GPC5: variants seen among roughly 807,000 people sequenced by gnomAD.
GPC5 encodes glypican-5.
GPC5 carries 47 observed loss-of-function variants against 53.9 expected under a neutral mutation model. The ratio of observed to expected loss-of-function variants is 0.87; its 90% CI spans 0.69 to 1.11. GPC5 has a LOEUF of 1.11. Among genes scored for constraint, GPC5 ranks in the 50% most tolerant of loss-of-function variants. GPC5 has a pLI of 0.00. For synonymous variants in GPC5, 286 were observed against 263.3 expected (o/e 1.09, Z -0.84); for missense variants, 748 against 713.1 (o/e 1.05, Z -0.56).
At chr13:92,633,119 G>A (rs1248835488) in intron 7 of GPC5, among the ~76,000 whole-genome samples, 1 of 152,124 alleles carries the variant, frequency 6.6e-6, no homozygotes, top group Admixed American at 6.5e-5. Context: ...ATGAACTCCT[G>A]ACCTCTCAGG....
chr13:92,164,120 T>C (rs573319798), intron 7 of GPC5, among the ~76,000 whole-genome samples: 15 of 152,270 alleles, frequency 9.9e-5, no homozygotes, highest in African/African-American at 3.6e-4. Flanking sequence ...CAAGATGAAA[T>C]TTGGGTAGGG....
At chr13:91,479,916 T>C (rs181863077) in intron 2 of GPC5, among the ~76,000 whole-genome samples, 1 of 152,310 alleles carries the variant, frequency 6.6e-6, no homozygotes, top group Admixed American at 6.5e-5. Flanking sequence ...AAAAACTTGC[T>C]AAAATTATTT....
intron 7 of GPC5, among the ~76,000 whole-genome samples, chr13:92,529,623 G>T (rs951045653): frequency 2.0e-5 from 3 of 152,064 alleles, no homozygotes; most frequent in Non-Finnish European, 4.4e-5. Context: ...CCAACCTCCA[G>T]AATTCTGATC....
chr13:92,642,923 G>C (rs1439091591), intron 7 of GPC5, among the ~76,000 whole-genome samples: 2 of 152,168 alleles, frequency 1.3e-5, no homozygotes, highest in Non-Finnish European at 2.9e-5. Flanking sequence ...CACAACTTTA[G>C]GTATTTGCAG....
intron 7 of GPC5, among the ~76,000 whole-genome samples, chr13:92,513,407 C>T (rs190733040): frequency 2.1e-4 from 32 of 151,440 alleles, no homozygotes; most frequent in South Asian, 8.4e-4. Flanking sequence ...GGTTGTGGAA[C>T]TAAATAAACT....
intron 2 of GPC5, among the ~76,000 whole-genome samples, chr13:91,669,983 G>A (rs1055884658): frequency 3.3e-5 from 5 of 152,148 alleles, no homozygotes; most frequent in African/African-American, 9.7e-5. Context: ...CATCGCACAT[G>A]TCAATTGTAT....
At chr13:92,844,178 A>C (rs1481854734) in intron 7 of GPC5, among the ~76,000 whole-genome samples, 2 of 152,082 alleles carry the variant, frequency 1.3e-5, no homozygotes, top group Non-Finnish European at 2.9e-5. Context: ...CGTTGTTTTT[A>C]ACAGAGACTC....
intron 7 of GPC5, among the ~76,000 whole-genome samples, chr13:92,517,246 C>G (rs1880828712): frequency 6.6e-6 from 1 of 152,220 alleles, no homozygotes; most frequent in African/African-American, 2.4e-5. Flanking sequence ...GACTCCACCT[C>G]TGGGGACAGG....
chr13:92,597,387 T>G (rs1272776507), intron 7 of GPC5, among the ~76,000 whole-genome samples: 1 of 152,170 alleles, frequency 6.6e-6, no homozygotes, highest in Non-Finnish European at 1.5e-5. Flanking sequence ...ACGGATACTT[T>G]AGCTACATGA....
intron 7 of GPC5, among the ~76,000 whole-genome samples, chr13:92,659,527 G>A (rs539398509): frequency 6.6e-6 from 1 of 150,924 alleles, no homozygotes; most frequent in South Asian, 2.1e-4. Flanking sequence ...CATATATCCT[G>A]CTGCTTACTA....
chr13:92,140,796 T>A (rs899385052), intron 6 of GPC5, among the ~76,000 whole-genome samples: 1 of 152,152 alleles, frequency 6.6e-6, no homozygotes, highest in Non-Finnish European at 1.5e-5. Context: ...GACACACGAA[T>A]AGTGGAGATG....
intron 7 of GPC5, among the ~76,000 whole-genome samples, chr13:92,852,274 C>T (rs764440895): frequency 1.3e-4 from 20 of 152,024 alleles, no homozygotes; most frequent in African/African-American, 4.6e-4. Context: ...TACGTTGTAG[C>T]GTGTTTAGCA....
chr13:92,248,026 G>A (rs1359903772), intron 7 of GPC5, among the ~76,000 whole-genome samples: 1 of 152,020 alleles, frequency 6.6e-6, no homozygotes, highest in African/African-American at 2.4e-5. Flanking sequence ...GAAAAAAAAT[G>A]AGTTATCAGG....
At chr13:91,812,629 C>T (rs1461881503) in intron 5 of GPC5, among the ~76,000 whole-genome samples, 11 of 152,226 alleles carry the variant, frequency 7.2e-5, no homozygotes, top group Admixed American at 4.6e-4. Flanking sequence ...AGTACATATT[C>T]ATTTTTGTTT....
At chr13:92,022,526 A>T (rs1308478878) in intron 6 of GPC5, among the ~76,000 whole-genome samples, 1 of 152,206 alleles carries the variant, frequency 6.6e-6, no homozygotes, top group East Asian at 1.9e-4. Context: ...AGTCAGGTAC[A>T]TGGTGGATCT....
At chr13:92,362,393 G>T (rs1719640574) in intron 7 of GPC5, among the ~76,000 whole-genome samples, 1 of 151,680 alleles carries the variant, frequency 6.6e-6, no homozygotes, top group Non-Finnish European at 1.5e-5. Context: ...AGGGTTAAAA[G>T]ATCCTTTGGT....
chr13:92,095,129 C>T (rs1029906486), intron 6 of GPC5, among the ~76,000 whole-genome samples: 18 of 151,994 alleles, frequency 1.2e-4, no homozygotes, highest in African/African-American at 4.1e-4. Context: ...GAACTTGTGC[C>T]AACTCTCTGT....
At chr13:92,131,047 T>C (rs1388017935) in intron 6 of GPC5, among the ~76,000 whole-genome samples, 2 of 151,964 alleles carry the variant, frequency 1.3e-5, no homozygotes, top group Non-Finnish European at 2.9e-5. Context: ...ATGACTTGAA[T>C]AGGCACTTTA....
At chr13:91,850,153 G>C (rs1292826504) in intron 5 of GPC5, among the ~76,000 whole-genome samples, 1 of 152,164 alleles carries the variant, frequency 6.6e-6, no homozygotes, top group East Asian at 1.9e-4. Flanking sequence ...ACCTTGAAAG[G>C]TTAGCAATGC....
Sources: gnomAD v4.1 joint callset for allele counts (sites outside exome capture counted in the v4.1 genomes callset) on GRCh38, gnomAD v4.1.1 for gene constraint, MANE v1.5 for transcripts, NCBI Gene and HGNC (gene_info 2026-07-23, HGNC 2026-07-21) for gene names.